FAR2: variants seen among roughly 807,000 people sequenced by gnomAD.
The protein encoded by FAR2 is epididymis secretory protein Li 81.
FAR2 carries 19 observed loss-of-function variants against 56.0 expected under a neutral mutation model. The ratio of observed to expected loss-of-function variants is 0.34; its 90% confidence interval spans 0.24 to 0.50. The LOEUF (loss-of-function observed/expected upper bound fraction) is 0.50. FAR2 is among the 20% of genes least tolerant of loss of function. The probability of loss-of-function intolerance (pLI) is 0.98; values close to 1 mark genes in which losing one functional copy is unlikely to be tolerated. For synonymous variants in FAR2, 219 were observed against 218.8 expected (o/e 1.00, Z -0.01); for missense variants, 508 against 642.2 (o/e 0.79, Z 2.26).
In FAR2 at chr12:29,175,758, A is replaced by G. The variant is rs552925407; in HGVS notation, c.-39+26351A>G. On this transcript the variant is annotated intron_variant, in intron 1 of 11. Transcript: ENST00000536681. Reference sequence around the variant, plus strand: ...CTGATTGGTGCGTTTACAATCCTTTAGCGAGACCCAGAGCGCTGATTGGTG... The same window carrying G: ...CTGATTGGTGCGTTTACAATCCTTTGGCGAGACCCAGAGCGCTGATTGGTG... Among the ~76,000 whole-genome samples, 14 of 152,256 alleles carry G rather than the reference A, an allele frequency of 9.2e-5. No homozygotes were observed. In the South Asian group the frequency reaches 2.9e-3, roughly 32 times the overall value.
chr12:29,318,624 C>T (rs137870047), intron 9 of FAR2, among the ~76,000 whole-genome samples: 47 of 152,300 alleles, frequency 3.1e-4, no homozygotes, highest in Non-Finnish European at 5.3e-4. Context: ...CTTGTGTATA[C>T]TCTCCTATGC....
At chr12:29,258,303 C>T (rs771753871) in intron 1 of FAR2, among the ~76,000 whole-genome samples, 3 of 151,870 alleles carry the variant, frequency 2.0e-5, no homozygotes, top group Admixed American at 6.6e-5. Context: ...TGCAGTGAGC[C>T]GAGATCGCAC....
At position 29,312,095 on chromosome 12, in the gene FAR2, G is replaced by T. The variant is rs1262267467; in HGVS notation, c.955+145G>T. ...GACAAAATAATGAGAAATTGTAAATGTGTGATAGTTAACTAGAATGTACTG... is the reference window on the plus strand; with the variant it reads ...GACAAAATAATGAGAAATTGTAAATTTGTGATAGTTAACTAGAATGTACTG... On this transcript the variant is annotated intron_variant, in intron 8 of 11. Transcript: ENST00000536681. 5.1e-6 allele frequency: 3 copies of T among 588,144 alleles called. No individual in the cohort carries two copies. The Admixed American group carries it at 1.0e-4, about 20-fold the overall frequency. The allele number at this position is 588,144 out of a possible 1,614,324, so 36.4% of individuals were successfully genotyped here. A position where few individuals can be genotyped will look rare whatever the true frequency, so the allele number is the denominator to read the frequency against.
At chr12:29,194,893 G>C (rs1950132786) in intron 1 of FAR2, among the ~76,000 whole-genome samples, 1 of 152,160 alleles carries the variant, frequency 6.6e-6, no homozygotes, top group African/African-American at 2.4e-5. Flanking sequence ...AGGGTGTTCA[G>C]ATTAGCAAGA....
At chr12:29,209,428 A>C (rs1289082136) in intron 1 of FAR2, among the ~76,000 whole-genome samples, 1 of 152,202 alleles carries the variant, frequency 6.6e-6, no homozygotes, top group South Asian at 2.1e-4. Flanking sequence ...TTCAGCTCAT[A>C]AAGTGGTGTC....
intron 1 of FAR2, among the ~76,000 whole-genome samples, chr12:29,151,075 TC>T (rs950652180): frequency 6.6e-6 from 1 of 152,234 alleles, no homozygotes; most frequent in Non-Finnish European, 1.5e-5. Flanking sequence ...CCATCTGCTT[TC>T]CTATCTCCTG....
chr12:29,311,249 T>A (rs376544964), intron 7 of FAR2, 103 bp downstream of exon 7: 3 of 739,288 alleles, frequency 4.1e-6, no homozygotes, highest in Non-Finnish European at 7.1e-6. Context: ...AGACCCCAAA[T>A]GTGTGAAAGT....
rs149950812 is a variant in FAR2 at position 29,155,635 on chromosome 12, T to G, written c.-39+6228T>G. ...ATAATATTCTGTGACATGGGAAAAA[T>G]TATAGGAAATTTAACGTATATGAAA... On this transcript the variant is annotated intron_variant, in intron 1 of 11. Transcript: ENST00000536681. 1.4e-4 allele frequency among the ~76,000 whole-genome samples: 22 copies of G among 152,298 alleles called. No individual in the cohort carries two copies. The East Asian group carries it at 4.0e-3, about 28-fold the overall frequency.
intron 1 of FAR2, among the ~76,000 whole-genome samples, chr12:29,188,591 A>C (rs1565686181): frequency 6.6e-6 from 1 of 152,160 alleles, no homozygotes; most frequent in Non-Finnish European, 1.5e-5. Context: ...ATGGTACATG[A>C]ATACTAGCTG....
intron 1 of FAR2, among the ~76,000 whole-genome samples, chr12:29,203,324 AT>A (rs1263957352): frequency 6.6e-6 from 1 of 152,186 alleles, no homozygotes; most frequent in Non-Finnish European, 1.5e-5. Context: ...ACTGCTTTGC[AT>A]TTATCGTTTT....
chr12:29,191,316 A>T (rs35002558), intron 1 of FAR2, among the ~76,000 whole-genome samples: 5,893 of 152,324 alleles, frequency 0.039, 331 homozygotes, highest in African/African-American at 0.13. Context: ...CGCAAGGGAA[A>T]AGGGAGTAAA....
At chr12:29,195,136 T>C (rs17707471) in intron 1 of FAR2, among the ~76,000 whole-genome samples, 5,080 of 152,326 alleles carry the variant, frequency 0.033, 117 homozygotes, top group Non-Finnish European at 0.048. Flanking sequence ...CTTCAAAACA[T>C]TATTTGATGT....
chr12:29,195,277 C>T (rs969623816), intron 1 of FAR2, among the ~76,000 whole-genome samples: 1 of 152,164 alleles, frequency 6.6e-6, no homozygotes, highest in Non-Finnish European at 1.5e-5. Context: ...TATTTTAACT[C>T]ATAGTGTTCC....
chr12:29,311,860 C>A, intron 7 of FAR2, 23 bp from the exon 8 acceptor site: 3 of 1,521,454 alleles, frequency 2.0e-6, no homozygotes, highest in Non-Finnish European at 2.7e-6. Context: ...TTGTACTTAT[C>A]TAATTTTTAT....
chr12:29,298,889 G>A (rs1265558961), intron 4 of FAR2, among the ~76,000 whole-genome samples: 3 of 152,100 alleles, frequency 2.0e-5, no homozygotes, highest in Admixed American at 2.0e-4. Flanking sequence ...GCAATTTGAG[G>A]TAGCAAAAGA....
chr12:29,218,573 A>T (rs1268852263), intron 1 of FAR2, among the ~76,000 whole-genome samples: 1 of 152,202 alleles, frequency 6.6e-6, no homozygotes, highest in Non-Finnish European at 1.5e-5. Flanking sequence ...AGGAAAAAGA[A>T]TAGGGCAGAA....
chr12:29,311,836 A>T, intron 7 of FAR2, 47 bp from the exon 8 acceptor site: 1 of 1,315,254 alleles, frequency 7.6e-7, no homozygotes, highest in Admixed American at 1.9e-5. Context: ...TTCTCTCATT[A>T]GTTTTCTATT....
chr12:29,172,953 T>A (rs2136589095), intron 1 of FAR2, among the ~76,000 whole-genome samples: 1 of 152,324 alleles, frequency 6.6e-6, no homozygotes, highest in South Asian at 2.1e-4. Context: ...AGGGAATTTG[T>A]CCCTTTCTTT....
At chr12:29,173,957 AG>A (rs1949911737) in intron 1 of FAR2, among the ~76,000 whole-genome samples, 1 of 152,178 alleles carries the variant, frequency 6.6e-6, no homozygotes, top group Non-Finnish European at 1.5e-5. Context: ...AAGAGGACTG[AG>A]GAAGGTCAGA....
Sources: gnomAD v4.1 joint callset for allele counts (sites outside exome capture counted in the v4.1 genomes callset) on GRCh38, gnomAD v4.1.1 for gene constraint, MANE v1.5 for transcripts, NCBI Gene and HGNC (gene_info 2026-07-23, HGNC 2026-07-21) for gene names.